Variants in PLPP1 observed in about 807,000 individuals in gnomAD.
PLPP1 encodes lipid phosphate phosphohydrolase 1a.
Under a neutral mutation model 31.2 loss-of-function variants are expected in PLPP1, and 24 were observed. The ratio of observed to expected loss-of-function variants is 0.77; its 90% CI spans 0.56 to 1.08. The LOEUF (loss-of-function observed/expected upper bound fraction) is 1.08. Among genes scored for constraint, PLPP1 ranks in the 50% least tolerant of loss-of-function variants. PLPP1 has a pLI of 0.00. For missense variants in PLPP1, 319 were observed against 342.7 expected, an observed-to-expected ratio of 0.93 and a Z score of 0.55; for synonymous variants, 146 against 126.3, an observed-to-expected ratio of 1.16 and a Z score of -1.05.
At chr5:55,487,787 C>T (rs183098567) in intron 1 of PLPP1, among the ~76,000 whole-genome samples, 1 of 152,148 alleles carries the variant, frequency 6.6e-6, no homozygotes, top group Non-Finnish European at 1.5e-5. Context: ...CATTCAAGCA[C>T]ATTTAAGGCC....
At chr5:55,445,013 G>T (rs1007558223) in intron 3 of PLPP1, among the ~76,000 whole-genome samples, 1 of 152,152 alleles carries the variant, frequency 6.6e-6, no homozygotes, top group African/African-American at 2.4e-5. Flanking sequence ...GCCTCCCAAA[G>T]TACTGGGATT....
intron 3 of PLPP1, among the ~76,000 whole-genome samples, chr5:55,446,907 C>G (rs1322259229): frequency 6.6e-6 from 1 of 152,198 alleles, no homozygotes; most frequent in East Asian, 1.9e-4. Context: ...CCCATGTTCA[C>G]TGCCTATCAA....
At chr5:55,526,919 G>A (rs1452658521) in intron 1 of PLPP1, among the ~76,000 whole-genome samples, 5 of 109,898 alleles carry the variant, frequency 4.5e-5, no homozygotes, top group Admixed American at 2.6e-4. Context: ...GCGACAGAGC[G>A]AGATTCCATC....
intron 1 of PLPP1, among the ~76,000 whole-genome samples, chr5:55,532,416 T>C (rs1740700771): frequency 6.6e-6 from 1 of 152,218 alleles, no homozygotes; most frequent in Admixed American, 6.5e-5. Flanking sequence ...ATTCTGATAG[T>C]GCACAATATG....
intron 2 of PLPP1, among the ~76,000 whole-genome samples, chr5:55,473,014 G>A (rs1752455700): frequency 1.3e-5 from 2 of 152,072 alleles, no homozygotes; most frequent in Non-Finnish European, 2.9e-5. Context: ...TTGAAAGACA[G>A]GTCTATTTCT....
intron 1 of PLPP1, among the ~76,000 whole-genome samples, chr5:55,517,346 C>T (rs1478638534): frequency 1.3e-5 from 2 of 152,050 alleles, no homozygotes; most frequent in East Asian, 3.9e-4. Context: ...ACCACCAAGC[C>T]CAGTTAATTT....
At chr5:55,467,568 T>C (rs561458837) in intron 3 of PLPP1, among the ~76,000 whole-genome samples, 32 of 151,122 alleles carry the variant, frequency 2.1e-4, no homozygotes, top group Non-Finnish European at 3.4e-4. Flanking sequence ...ATATTATATA[T>C]GTTATCTGGC....
chr5:55,486,150 T>G (rs190506442), intron 1 of PLPP1, among the ~76,000 whole-genome samples: 54 of 152,334 alleles, frequency 3.5e-4, no homozygotes, highest in Admixed American at 3.1e-3. Flanking sequence ...CTTTGATTTC[T>G]TAAGACTTAG....
intron 3 of PLPP1, among the ~76,000 whole-genome samples, chr5:55,466,255 T>C (rs887007984): frequency 1.3e-5 from 2 of 152,118 alleles, no homozygotes; most frequent in African/African-American, 4.8e-5. Context: ...TCTCTTCCAT[T>C]CTCATCCTTT....
chr5:55,522,968 T>A (rs1579985044), intron 1 of PLPP1, among the ~76,000 whole-genome samples: 1 of 152,200 alleles, frequency 6.6e-6, no homozygotes. Context: ...TCCACCCACG[T>A]TGGCCTCCCA....
intron 1 of PLPP1, among the ~76,000 whole-genome samples, chr5:55,476,649 C>T (rs1752556906): frequency 6.6e-6 from 1 of 152,122 alleles, no homozygotes; most frequent in Admixed American, 6.6e-5. Flanking sequence ...TGCAGTAATA[C>T]CATAACCACT....
At chr5:55,438,768 G>T (rs1561223458) in intron 4 of PLPP1, among the ~76,000 whole-genome samples, 1 of 152,114 alleles carries the variant, frequency 6.6e-6, no homozygotes, top group Non-Finnish European at 1.5e-5. Flanking sequence ...GGGCGTGGTG[G>T]CGGGCGCCTG....
intron 3 of PLPP1, among the ~76,000 whole-genome samples, chr5:55,463,828 A>C (rs1314637052): frequency 6.7e-6 from 1 of 149,870 alleles, no homozygotes; most frequent in Non-Finnish European, 1.5e-5. Flanking sequence ...TAAATAAATA[A>C]ATAAATAAGA....
chr5:55,475,637 G>C (rs1346660404), intron 1 of PLPP1, among the ~76,000 whole-genome samples, 187 bp from the exon 2 acceptor site: 3 of 152,184 alleles, frequency 2.0e-5, no homozygotes, highest in African/African-American at 7.2e-5. Context: ...TTAAGATAAA[G>C]ATGTTTTGTC....
Position 55,468,224 on chromosome 5 carries a change from A to G in PLPP1, c.211-75T>C. 4 of 1,345,942 alleles carry G rather than the reference A, an allele frequency of 3.0e-6. 1 individual carries two copies. The highest frequency in any genetic ancestry group is 2.9e-5 in the South Asian group (2 of 68,890). The allele number at this position is 1,345,942 out of a possible 1,614,324, so 83.4% of individuals were successfully genotyped here. On this transcript the variant is annotated intron_variant, in intron 2 of 5. Transcript: ENST00000307259. Reference sequence around the variant, plus strand: ...TAAACAAAACAAAACATAGGGGGAAAAAAGGAAATGGTAAATCGCAAAAAT... The same window carrying G: ...TAAACAAAACAAAACATAGGGGGAAGAAAGGAAATGGTAAATCGCAAAAAT...
intron 1 of PLPP1, among the ~76,000 whole-genome samples, chr5:55,476,165 G>T (rs192345954): frequency 0.025 from 3,708 of 150,066 alleles, 60 homozygotes; most frequent in Middle Eastern, 0.055. Context: ...TTTTTTGGGG[G>T]TTTTTTTTTG....
Position 55,469,988 on chromosome 5 carries a change from T to A in PLPP1, c.211-1839A>T, listed in dbSNP as rs183796838. On this transcript the variant is annotated intron_variant, in intron 2 of 5. Transcript: ENST00000307259. Reference sequence around the variant, plus strand: ...ACAGCAAATGCCCTTAGTTTATACATGTTAAGCCCCATAAAAATACAGTTC... The same window carrying A: ...ACAGCAAATGCCCTTAGTTTATACAAGTTAAGCCCCATAAAAATACAGTTC... Among the ~76,000 whole-genome samples, 645 of 152,336 alleles carry A rather than the reference T, an allele frequency of 4.2e-3. 4 individuals are homozygous for A. The highest frequency in any genetic ancestry group is 0.015 in the African/African-American group (617 of 41,584).
At chr5:55,496,926 G>C (rs898209298) in intron 1 of PLPP1, among the ~76,000 whole-genome samples, 1 of 152,102 alleles carries the variant, frequency 6.6e-6, no homozygotes, top group African/African-American at 2.4e-5. Context: ...ATTTTACAAA[G>C]AGAAAGACTA....
chr5:55,524,293 T>C (rs1286718807), intron 1 of PLPP1, among the ~76,000 whole-genome samples: 2 of 152,096 alleles, frequency 1.3e-5, no homozygotes, highest in Non-Finnish European at 2.9e-5. Flanking sequence ...AATCTTATAA[T>C]GTTTTAAGAA....
Sources: allele counts gnomAD v4.1 joint callset (sites outside exome capture counted in the v4.1 genomes callset), GRCh38; gene constraint gnomAD v4.1.1; transcripts MANE v1.5; gene names NCBI Gene and HGNC (gene_info 2026-07-23, HGNC 2026-07-21).